The following CALN1 variants were observed in gnomAD, a reference collection of about 807,000 sequenced individuals.
CALN1 encodes calcium-binding protein 8.
CALN1 carries 17 observed loss-of-function variants against 30.6 expected under a neutral mutation model. The observed-to-expected ratio is 0.56, with a 90% confidence interval of 0.38 to 0.83. The LOEUF is 0.83. Among genes scored for constraint, CALN1 ranks in the 40% least tolerant of loss-of-function variants. The probability of loss-of-function intolerance (pLI) is 0.00; values close to 1 mark genes in which losing one functional copy is unlikely to be tolerated. For missense variants in CALN1, 291 were observed against 354.9 expected (o/e 0.82, Z 1.45); for synonymous variants, 156 against 131.4 (o/e 1.19, Z -1.28).
chr7:72,335,502 T>C (rs994002115), intron 2 of CALN1, among the ~76,000 whole-genome samples: 4 of 152,172 alleles, frequency 2.6e-5, no homozygotes, highest in African/African-American at 9.7e-5. Flanking sequence ...CACTCTAGAA[T>C]GTAGTTATTA....
At chr7:72,172,236 G>A (rs1789024715) in intron 3 of CALN1, among the ~76,000 whole-genome samples, 1 of 152,154 alleles carries the variant, frequency 6.6e-6, no homozygotes, top group South Asian at 2.1e-4. Context: ...AGTTTTTCAA[G>A]GCTTTTCGAG....
chr7:71,808,429 G>T (rs938510963), intron 6 of CALN1, among the ~76,000 whole-genome samples: 3 of 151,224 alleles, frequency 2.0e-5, no homozygotes. Flanking sequence ...CATAATACTT[G>T]CAGTATGGTT....
the CALN1 span, among the ~76,000 whole-genome samples, chr7:72,474,145 TTCA>T: frequency 6.6e-6 from 1 of 152,090 alleles, no homozygotes; most frequent in Non-Finnish European, 1.5e-5. Flanking sequence ...CGGGAAAACA[TTCA>T]TCAAGTTAAC....
intron 1 of CALN1, among the ~76,000 whole-genome samples, chr7:72,439,826 C>T (rs889161487): frequency 6.6e-6 from 1 of 152,094 alleles, no homozygotes; most frequent in Non-Finnish European, 1.5e-5. Flanking sequence ...ATCCACCCGC[C>T]TCGGCCTCCC....
chr7:72,410,563 T>G (rs1219111762), intron 1 of CALN1, among the ~76,000 whole-genome samples: 1 of 152,204 alleles, frequency 6.6e-6, no homozygotes, highest in Non-Finnish European at 1.5e-5. Flanking sequence ...AATGAGCTTT[T>G]CAAATCAGCT....
chr7:71,881,463 C>T (rs1020224045), intron 5 of CALN1, among the ~76,000 whole-genome samples: 11 of 152,204 alleles, frequency 7.2e-5, no homozygotes, highest in South Asian at 2.1e-4. Context: ...AGTCCTGGCA[C>T]CTTCTCATTG....
At chr7:72,336,855 G>T (rs1025837605) in intron 2 of CALN1, 2 of 985,040 alleles carry the variant, frequency 2.0e-6, no homozygotes, top group African/African-American at 1.7e-5. Flanking sequence ...CCAGCAGGCA[G>T]CCGCGTCCCC....
chr7:72,394,830 T>C (rs1233461758), intron 2 of CALN1, among the ~76,000 whole-genome samples: 1 of 152,048 alleles, frequency 6.6e-6, no homozygotes, highest in African/African-American at 2.4e-5. Context: ...CGTTTTATTT[T>C]ATTTTTTTGT....
intron 1 of CALN1, among the ~76,000 whole-genome samples, chr7:72,432,425 C>T (rs886411854): frequency 1.3e-5 from 2 of 152,160 alleles, no homozygotes; most frequent in African/African-American, 4.8e-5. Context: ...AATATTCTCT[C>T]TGCCTCCGGG....
intron 3 of CALN1, among the ~76,000 whole-genome samples, chr7:72,116,858 G>T (rs1487108527): frequency 6.6e-6 from 1 of 152,146 alleles, no homozygotes; most frequent in Non-Finnish European, 1.5e-5. Flanking sequence ...GTCTCAAGAG[G>T]TCCTGAGAAA....
intron 5 of CALN1, among the ~76,000 whole-genome samples, chr7:71,971,428 C>A (rs1266931630): frequency 6.6e-6 from 1 of 152,066 alleles, no homozygotes; most frequent in Admixed American, 6.6e-5. Context: ...CCAGCCTGGG[C>A]AACAAGAGCG....
chr7:72,293,262 G>A lies in CALN1; in HGVS notation c.120-14452C>T, dbSNP rs1327317913. 2.6e-5 allele frequency among the ~76,000 whole-genome samples: 4 copies of A among 152,288 alleles called. No individual in the cohort carries two copies. In the South Asian group the frequency reaches 6.2e-4, roughly 24 times the overall value. On this transcript the variant is annotated intron_variant, in intron 2 of 6. Transcript: ENST00000395275. ...CCCACCCCTAGTCTGGAAGGACGTAGGGAGAGGGTGGTACTATCAGAACCT... is the reference window on the plus strand; with the variant it reads ...CCCACCCCTAGTCTGGAAGGACGTAAGGAGAGGGTGGTACTATCAGAACCT...
intron 6 of CALN1, among the ~76,000 whole-genome samples, chr7:71,810,004 C>A (rs1011900924): frequency 6.6e-6 from 1 of 152,030 alleles, no homozygotes; most frequent in Admixed American, 6.6e-5. Flanking sequence ...CCAAAATAGG[C>A]TCTTTGCACC....
chr7:72,283,644 CAAG>C (rs1244823885), intron 2 of CALN1, among the ~76,000 whole-genome samples: 1 of 152,158 alleles, frequency 6.6e-6, no homozygotes, highest in Admixed American at 6.5e-5. Context: ...GCAGGGGCAA[CAAG>C]AAGTCATGGA....
intron 5 of CALN1, among the ~76,000 whole-genome samples, chr7:71,827,547 G>T (rs1315084078): frequency 2.0e-5 from 3 of 152,110 alleles, no homozygotes; most frequent in Non-Finnish European, 2.9e-5. Context: ...GAGGTGGGCA[G>T]ATCACTGGAG....
At chr7:72,373,990 T>G (rs1804397977) in intron 2 of CALN1, among the ~76,000 whole-genome samples, 1 of 152,100 alleles carries the variant, frequency 6.6e-6, no homozygotes, top group Non-Finnish European at 1.5e-5. Flanking sequence ...GGAAAGAATA[T>G]TAAACCAAGA....
intron 5 of CALN1, among the ~76,000 whole-genome samples, chr7:71,900,053 T>G (rs1236087939): frequency 6.6e-6 from 1 of 152,204 alleles, no homozygotes. Context: ...ACTTTAAATT[T>G]TTTAAACTTT....
Position 72,399,705 on chromosome 7 carries a change from G to A in CALN1, c.119+3546C>T, listed in dbSNP as rs932069890. Among the ~76,000 whole-genome samples, 6 of 152,154 alleles carry A rather than the reference G, an allele frequency of 3.9e-5. No homozygotes were observed. In the South Asian group the frequency reaches 6.2e-4, roughly 16 times the overall value. ...TTCATGGAGAGTCAACTAACTCCAA[G>A]AATAAGACATACATCTAATAGCTCA... On this transcript the variant is annotated intron_variant, in intron 2 of 6. Transcript: ENST00000395275.
chr7:72,115,484 CTTTT>C (rs71069026), intron 3 of CALN1, among the ~76,000 whole-genome samples: 6 of 80,590 alleles, frequency 7.4e-5, no homozygotes, highest in Admixed American at 3.7e-4. Flanking sequence ...CATATACATT[CTTTT>C]TTTTTTTTTT....
Sources: allele counts gnomAD v4.1 joint callset (sites outside exome capture counted in the v4.1 genomes callset), GRCh38; gene constraint gnomAD v4.1.1; transcripts MANE v1.5; gene names NCBI Gene and HGNC (gene_info 2026-07-23, HGNC 2026-07-21).